Variants in ENTREP2 observed in about 807,000 individuals in gnomAD.
ENTREP2 encodes endosomal transmembrane epsin interactor 2.
At chr15:29,204,001 C>T in the ENTREP2 span, among the ~76,000 whole-genome samples, 1 of 152,176 alleles carries the variant, frequency 6.6e-6, no homozygotes, top group Non-Finnish European at 1.5e-5. Context: ...TTCAATGACC[C>T]CAGGGAATAG....
At chr15:29,169,237 C>T in the ENTREP2 span, among the ~76,000 whole-genome samples, 3 of 151,918 alleles carry the variant, frequency 2.0e-5, no homozygotes, top group Non-Finnish European at 4.4e-5. Flanking sequence ...CAATGTTGAA[C>T]AAAACACCAT....
the ENTREP2 span, among the ~76,000 whole-genome samples, chr15:29,197,442 A>C: frequency 6.6e-6 from 1 of 152,180 alleles, no homozygotes; most frequent in Non-Finnish European, 1.5e-5. Flanking sequence ...CGTAAATAAA[A>C]AATAATAAAG....
chr15:29,620,970 C>A, the ENTREP2 span, among the ~76,000 whole-genome samples: 1 of 152,074 alleles, frequency 6.6e-6, no homozygotes, highest in Admixed American at 6.5e-5. Context: ...ATCGATTATC[C>A]CAGGCATGTG....
chr15:29,206,368 T>C, the ENTREP2 span, among the ~76,000 whole-genome samples: 1 of 152,092 alleles, frequency 6.6e-6, no homozygotes, highest in African/African-American at 2.4e-5. Context: ...AGGTTAGAAT[T>C]TCAACATAGA....
chr15:29,570,984 C>A, the ENTREP2 span, among the ~76,000 whole-genome samples: 2 of 145,358 alleles, frequency 1.4e-5, no homozygotes, highest in Non-Finnish European at 3.0e-5. Context: ...CGCCCTCCCC[C>A]GCCCGCCCCG....
the ENTREP2 span, among the ~76,000 whole-genome samples, chr15:29,365,575 C>A: frequency 4.6e-5 from 7 of 152,112 alleles, no homozygotes; most frequent in South Asian, 2.1e-4. Flanking sequence ...GTCTAATGTA[C>A]CACAGTTACA....
the ENTREP2 span, among the ~76,000 whole-genome samples, chr15:29,496,922 T>C: frequency 2.6e-5 from 4 of 152,206 alleles, no homozygotes; most frequent in Admixed American, 2.6e-4. Flanking sequence ...ATAAAACAAG[T>C]TGGAAGATGT....
chr15:29,303,918 T>C, the ENTREP2 span, among the ~76,000 whole-genome samples: 6 of 152,162 alleles, frequency 3.9e-5, no homozygotes, highest in African/African-American at 1.4e-4. Flanking sequence ...TCTCACTCTG[T>C]CACCCAGGCC....
At chr15:29,151,561 C>T in the ENTREP2 span, among the ~76,000 whole-genome samples, 1 of 152,178 alleles carries the variant, frequency 6.6e-6, no homozygotes, top group Admixed American at 6.5e-5. Flanking sequence ...ATAAATACAT[C>T]AGCGGCGCCA....
At chr15:29,223,928 CCCCAGCTCGCG>C in the ENTREP2 span, among the ~76,000 whole-genome samples, 1 of 152,300 alleles carries the variant, frequency 6.6e-6, no homozygotes, top group South Asian at 2.1e-4. Context: ...GCTTGCCCGC[CCCCAGCTCGCG>C]CCCAGCTCTG....
chr15:29,346,995 G>C, the ENTREP2 span, among the ~76,000 whole-genome samples: 1 of 152,108 alleles, frequency 6.6e-6, no homozygotes, highest in African/African-American at 2.4e-5. Flanking sequence ...CTTCCAATGC[G>C]ATCTGTAACT....
the ENTREP2 span, among the ~76,000 whole-genome samples, chr15:29,276,599 C>T: frequency 6.6e-6 from 1 of 152,196 alleles, no homozygotes; most frequent in African/African-American, 2.4e-5. Flanking sequence ...GCCACTTGTG[C>T]CCTTGCTTCT....
chr15:29,547,279 C>T, the ENTREP2 span, among the ~76,000 whole-genome samples: 2 of 151,070 alleles, frequency 1.3e-5, no homozygotes, highest in Admixed American at 6.6e-5. Context: ...TAGTAGAGAC[C>T]GGGTTTCACC....
the ENTREP2 span, among the ~76,000 whole-genome samples, chr15:29,492,703 T>C: frequency 6.6e-6 from 1 of 152,192 alleles, no homozygotes; most frequent in Non-Finnish European, 1.5e-5. Flanking sequence ...GTTAAAATAA[T>C]TGTTAAAATT....
chr15:29,123,148 C>G, the ENTREP2 span: 1 of 585,232 alleles, frequency 1.7e-6, no homozygotes. Flanking sequence ...CAAAGAGACA[C>G]TGCTCGGCTC....
chr15:29,414,817 A>C, the ENTREP2 span, among the ~76,000 whole-genome samples: 14 of 152,276 alleles, frequency 9.2e-5, no homozygotes, highest in African/African-American at 3.4e-4. Context: ...TAAAGGGGAT[A>C]TCACCACCGA....
chr15:29,523,297 C>T, the ENTREP2 span, among the ~76,000 whole-genome samples: 2 of 152,194 alleles, frequency 1.3e-5, no homozygotes, highest in African/African-American at 2.4e-5. Context: ...GATTCCTGTA[C>T]ATGTGCAATA....
At chr15:29,187,191 T>C in the ENTREP2 span, among the ~76,000 whole-genome samples, 4 of 152,100 alleles carry the variant, frequency 2.6e-5, no homozygotes, top group African/African-American at 9.7e-5. Flanking sequence ...ATTGAAAAAA[T>C]TTCTAAGTTA....
chr15:29,262,715 C>G, the ENTREP2 span, among the ~76,000 whole-genome samples: 1 of 152,194 alleles, frequency 6.6e-6, no homozygotes, highest in African/African-American at 2.4e-5. Context: ...ACTGCTCTTG[C>G]AAATTATTTG....
Sources: gnomAD v4.1 joint callset for allele counts (sites outside exome capture counted in the v4.1 genomes callset) on GRCh38, gnomAD v4.1.1 for gene constraint, MANE v1.5 for transcripts, NCBI Gene and HGNC (gene_info 2026-07-23, HGNC 2026-07-21) for gene names.